The following MORF4L1 variants were observed in gnomAD, a reference collection of about 807,000 sequenced individuals.
The protein encoded by MORF4L1 is mortality factor 4 like 1.
In MORF4L1, 4 loss-of-function variants were observed where a neutral mutation model predicts 52.9. The ratio of observed to expected loss-of-function variants is 0.08; its 90% confidence interval spans 0.04 to 0.17. The LOEUF (loss-of-function observed/expected upper bound fraction) is 0.17. MORF4L1 is among the 10% of genes least tolerant of loss of function. The pLI is 1.00. For synonymous variants in MORF4L1, 123 were observed against 134.8 expected, an observed-to-expected ratio of 0.91 and a Z score of 0.61; for missense variants, 214 against 390.4, an observed-to-expected ratio of 0.55 and a Z score of 3.81.
chr15:78,884,447 C>T (rs915856390), intron 3 of MORF4L1, among the ~76,000 whole-genome samples: 3 of 151,796 alleles, frequency 2.0e-5, no homozygotes, highest in East Asian at 3.9e-4. Flanking sequence ...CGAGACAAGC[C>T]TGACCAACAT....
At chr15:78,887,209 CA>C in intron 4 of MORF4L1, 59 bp from the exon 5 acceptor site, 1 of 1,433,934 alleles carries the variant, frequency 7.0e-7, no homozygotes, top group South Asian at 1.3e-5. Context: ...ATCAGGCTGA[CA>C]ATTTTTTTTT....
chr15:78,884,217 A>G (rs1303129711), intron 3 of MORF4L1, among the ~76,000 whole-genome samples: 2 of 149,188 alleles, frequency 1.3e-5, no homozygotes, highest in Non-Finnish European at 3.0e-5. Flanking sequence ...AAAAAAAACA[A>G]AAAGCTGAAA....
chr15:78,894,517 C>G (rs2056853089), intron 10 of MORF4L1: 1 of 370,662 alleles, frequency 2.7e-6, no homozygotes, highest in Non-Finnish European at 4.9e-6. Flanking sequence ...CAACAATTCT[C>G]CTGCCTCAGC....
intron 1 of MORF4L1, 83 bp downstream of exon 1, chr15:78,873,140 GGGGCGGCGCGGGCTGCGC>G (rs1333846483): frequency 9.1e-5 from 140 of 1,544,102 alleles, no homozygotes; most frequent in Non-Finnish European, 1.1e-4. Flanking sequence ...TTGAGGGCCG[GGGGCGGCGCGGGCTGCGC>G]CCTGAGAAGG....
At chr15:78,888,846 T>A (rs1009493276) in intron 5 of MORF4L1, among the ~76,000 whole-genome samples, 2 of 152,226 alleles carry the variant, frequency 1.3e-5, no homozygotes, top group African/African-American at 4.8e-5. Context: ...AGTGTGTTAC[T>A]ATTTGAGGAT....
chr15:78,891,284 A>G, intron 6 of MORF4L1, 200 bp from the exon 7 acceptor site: 1 of 651,670 alleles, frequency 1.5e-6, no homozygotes, highest in South Asian at 1.9e-5. Flanking sequence ...TGGTGATACT[A>G]AATGTTGTCT....
rs377056882 is a variant in MORF4L1 at position 78,873,007 on chromosome 15, A to G, written c.-11A>G. 5.2e-6 allele frequency: 8 copies of G among 1,550,884 alleles called. No homozygotes were observed. The highest frequency in any genetic ancestry group is 7.0e-6 in the Non-Finnish European group (8 of 1,146,888). ...TGGTGGGAGAAGGAGGAGGCGGCGAATCACTTATAAATGGCGCCGAAGCAG... is the reference window on the plus strand; with the variant it reads ...TGGTGGGAGAAGGAGGAGGCGGCGAGTCACTTATAAATGGCGCCGAAGCAG... On this transcript the variant is annotated 5_prime_UTR_variant, in exon 1 of 12. Coordinates refer to ENST00000426013, the MANE Select transcript of MORF4L1 (RefSeq NM_006791.4).
intron 3 of MORF4L1, among the ~76,000 whole-genome samples, chr15:78,884,208 A>AAAAAGAC (rs200115659): frequency 6.8e-6 from 1 of 146,596 alleles, no homozygotes; most frequent in African/African-American, 2.5e-5. Context: ...CATCTCAAAA[A>AAAAAGAC]AAAAAACAAA....
At chr15:78,891,700 C>A in intron 7 of MORF4L1, 128 bp downstream of exon 7, 1 of 700,796 alleles carries the variant, frequency 1.4e-6, no homozygotes, top group East Asian at 2.8e-5. Context: ...TAAAAATTTT[C>A]TCTTTTGGGG....
chr15:78,876,507 C>G (rs768856097), intron 1 of MORF4L1: 2 of 455,800 alleles, frequency 4.4e-6, no homozygotes, highest in Non-Finnish European at 4.4e-6. Flanking sequence ...ACTAGGGCCT[C>G]GTAGCTAGAA....
chr15:78,892,375 T>G (rs572820190), intron 8 of MORF4L1, 62 bp downstream of exon 8: 77 of 1,178,526 alleles, frequency 6.5e-5, no homozygotes, highest in Non-Finnish European at 9.5e-5. Context: ...GCAAAAAAAG[T>G]TTTTAAAGGA....
chr15:78,886,291 A>G (rs1567309710), intron 4 of MORF4L1, 64 bp downstream of exon 4: 2 of 1,369,512 alleles, frequency 1.5e-6, no homozygotes, highest in South Asian at 1.2e-5. Flanking sequence ...TGGACATGGA[A>G]TGAACAATGG....
chr15:78,882,699 G>A (rs1202619763), intron 3 of MORF4L1, among the ~76,000 whole-genome samples: 2 of 151,976 alleles, frequency 1.3e-5, no homozygotes, highest in African/African-American at 4.8e-5. Flanking sequence ...CTATGAGTGG[G>A]AAAGACCATA....
At chr15:78,894,371 C>G (rs1376270016) in intron 10 of MORF4L1, 141 bp downstream of exon 10, 3 of 612,320 alleles carry the variant, frequency 4.9e-6, no homozygotes, top group African/African-American at 3.9e-5. Context: ...ATAGCAAAAT[C>G]TCTTTAGGAG....
chr15:78,878,271 G>A lies in MORF4L1; in HGVS notation c.87+12G>A. On this transcript the variant is annotated intron_variant, in intron 2 of 11. Coordinates refer to ENST00000426013, the MANE Select transcript of MORF4L1 (RefSeq NM_006791.4). ...TTTATGAAGCAAAGGTATGAAACTT[G>A]TTTTCTTTTGAGAAGTTGGCCAAAA... is the stretch of plus-strand genomic sequence containing the variant. 6.2e-7 allele frequency: 1 copy of A among 1,609,480 alleles called. No individual in the cohort carries two copies. Among genetic ancestry groups the A allele is most frequent in the Non-Finnish European group, 8.5e-7 (1 of 1,178,804 alleles).
At chr15:78,873,220 T>A in intron 1 of MORF4L1, 163 bp downstream of exon 1, 1 of 1,512,806 alleles carries the variant, frequency 6.6e-7, no homozygotes, top group Non-Finnish European at 8.8e-7. Context: ...GCAATTCCGG[T>A]GCGTCATTGT....
intron 5 of MORF4L1, among the ~76,000 whole-genome samples, chr15:78,888,883 A>G (rs2056751950): frequency 6.6e-6 from 1 of 152,198 alleles, no homozygotes; most frequent in African/African-American, 2.4e-5. Flanking sequence ...AAGTGGTAAC[A>G]TGTTTTCATG....
At chr15:78,873,620 A>G (rs984742038) in intron 1 of MORF4L1, 1 of 162,544 alleles carries the variant, frequency 6.2e-6, no homozygotes, top group South Asian at 1.3e-4. Flanking sequence ...CGGCGCCATC[A>G]TGGCCGCCGG....
At position 78,873,010 on chromosome 15, in the gene MORF4L1, A is replaced by G. The variant is rs1243739350; in HGVS notation, c.-8A>G. On this transcript the variant is annotated 5_prime_UTR_variant, in exon 1 of 12. Transcript: ENST00000426013. ...TGGGAGAAGGAGGAGGCGGCGAATC[A>G]CTTATAAATGGCGCCGAAGCAGGAC... is the stretch of plus-strand genomic sequence containing the variant. 9 of 1,551,092 alleles carry G rather than the reference A, an allele frequency of 5.8e-6. No homozygotes were observed. The East Asian group carries it at 1.2e-4, about 21-fold the overall frequency.
Sources: allele counts gnomAD v4.1 joint callset (sites outside exome capture counted in the v4.1 genomes callset), GRCh38; gene constraint gnomAD v4.1.1; transcripts MANE v1.5; gene names NCBI Gene and HGNC (gene_info 2026-07-23, HGNC 2026-07-21).